The following SLC35A1 variants were observed in gnomAD, a reference collection of about 807,000 sequenced individuals.
The protein encoded by SLC35A1 is solute carrier family 35 member A1.
A neutral mutation model predicts 40.3 loss-of-function variants in SLC35A1; 21 were observed. The ratio of observed to expected loss-of-function variants is 0.52; its 90% CI spans 0.37 to 0.75. The LOEUF (loss-of-function observed/expected upper bound fraction) is 0.75, where lower values mean the gene tolerates loss of function less well. SLC35A1 is among the 30% of genes least tolerant of loss of function. The pLI is 0.00. For missense variants in SLC35A1, 297 were observed against 382.1 expected (o/e 0.78, Z 1.86); for synonymous variants, 146 against 147.3 (o/e 0.99, Z 0.06).
At chr6:87,480,998 G>A (rs1454117387) in intron 2 of SLC35A1, among the ~76,000 whole-genome samples, 4 of 152,162 alleles carry the variant, frequency 2.6e-5, no homozygotes, top group Non-Finnish European at 5.9e-5. Flanking sequence ...CCCCAGGCTA[G>A]TGCCCGTTTA....
intron 2 of SLC35A1, chr6:87,499,122 A>T: frequency 1.0e-6 from 1 of 983,926 alleles, no homozygotes. Context: ...TTAATTAAGC[A>T]TTTTCTTGGA....
chr6:87,480,757 G>GA (rs71018021), intron 2 of SLC35A1, among the ~76,000 whole-genome samples: 57,575 of 152,030 alleles, frequency 0.38, 10,975 homozygotes, highest in Admixed American at 0.46. Flanking sequence ...GTTAGGAAAG[G>GA]AAGGAAAAGA....
chr6:87,490,276 ACTT>A (rs923593125), intron 2 of SLC35A1, among the ~76,000 whole-genome samples: 1 of 152,080 alleles, frequency 6.6e-6, no homozygotes, highest in Admixed American at 6.6e-5. Flanking sequence ...AGGATATTTA[ACTT>A]CTTAGAAGAA....
chr6:87,498,122 A>C (rs900373723), intron 2 of SLC35A1, among the ~76,000 whole-genome samples: 2 of 152,126 alleles, frequency 1.3e-5, no homozygotes, highest in Non-Finnish European at 2.9e-5. Context: ...GTAGCTTTTG[A>C]GGGTTTAGCA....
intron 7 of SLC35A1, 35 bp from the exon 8 acceptor site, chr6:87,511,364 C>T (rs1770264842): frequency 2.5e-6 from 4 of 1,610,472 alleles, no homozygotes; most frequent in Non-Finnish European, 3.4e-6. Flanking sequence ...TAAAGACACA[C>T]ATACAGATAA....
chr6:87,502,907 T>C (rs1190622566), intron 4 of SLC35A1, among the ~76,000 whole-genome samples: 1 of 152,238 alleles, frequency 6.6e-6, no homozygotes, highest in East Asian at 1.9e-4. Context: ...TCATTGACAC[T>C]AGAACTCAAA....
chr6:87,509,936 A>G lies in SLC35A1; in HGVS notation c.886+761A>G, dbSNP rs1770210584. Among the ~76,000 whole-genome samples the G allele has an allele frequency of 1.3e-5, 2 of 152,228 alleles. 1 individual carries two copies. Among genetic ancestry groups the G allele is most frequent in the South Asian group, 4.1e-4 (2 of 4,830 alleles). On this transcript the variant is annotated intron_variant, in intron 7 of 7. Transcript: ENST00000369552. ...TGTATGAAGAATATCTGTTAAATATATTAAGTAAAAGAGACCTGGCTTATA... is the reference window on the plus strand; with the variant it reads ...TGTATGAAGAATATCTGTTAAATATGTTAAGTAAAAGAGACCTGGCTTATA...
At chr6:87,496,920 CGAT>C (rs1769749853) in intron 2 of SLC35A1, among the ~76,000 whole-genome samples, 2 of 151,644 alleles carry the variant, frequency 1.3e-5, no homozygotes, top group African/African-American at 4.8e-5. Flanking sequence ...TAAAACAAAA[CGAT>C]GATTACTAGT....
chr6:87,474,846 C>G (rs1769022222), intron 1 of SLC35A1, among the ~76,000 whole-genome samples: 1 of 152,080 alleles, frequency 6.6e-6, no homozygotes, highest in Admixed American at 6.6e-5. Context: ...AATATATATT[C>G]CCATATACTC....
At chr6:87,494,587 T>TA (rs921984941) in intron 2 of SLC35A1, among the ~76,000 whole-genome samples, 4 of 151,860 alleles carry the variant, frequency 2.6e-5, no homozygotes, top group African/African-American at 7.3e-5. Flanking sequence ...CACGCCTGGC[T>TA]ATTTTTTTTT....
chr6:87,504,028 CTT>C (rs1299456023), intron 4 of SLC35A1, among the ~76,000 whole-genome samples: 3 of 152,194 alleles, frequency 2.0e-5, no homozygotes, highest in Admixed American at 2.0e-4. Flanking sequence ...TCTTGATAGT[CTT>C]TTAAATTTAT....
At chr6:87,506,963 G>A (rs566720472) in intron 5 of SLC35A1, 63 of 157,094 alleles carry the variant, frequency 4.0e-4, no homozygotes, top group Admixed American at 2.4e-3. Flanking sequence ...ACCAAACAGG[G>A]AGGAAAGACA....
At chr6:87,496,281 G>T (rs1769722305) in intron 2 of SLC35A1, 1 of 152,158 alleles carries the variant, frequency 6.6e-6, no homozygotes, top group Admixed American at 6.5e-5. Flanking sequence ...ACCAAAGGTT[G>T]CACAGGGTCT....
intron 2 of SLC35A1, among the ~76,000 whole-genome samples, chr6:87,494,596 T>G (rs186867407): frequency 6.6e-6 from 1 of 151,926 alleles, no homozygotes; most frequent in African/African-American, 2.4e-5. Context: ...CTATTTTTTT[T>G]TGTATTTTTT....
chr6:87,490,383 G>A (rs1480918471), intron 2 of SLC35A1, among the ~76,000 whole-genome samples: 2 of 149,342 alleles, frequency 1.3e-5, no homozygotes, highest in Non-Finnish European at 3.0e-5. Context: ...ACCCAGGCTG[G>A]TGTACAGTGG....
rs1053250397 is a variant in SLC35A1 at position 87,487,453 on chromosome 6, C to T, written c.194+9914C>T. 4.6e-5 allele frequency among the ~76,000 whole-genome samples: 7 copies of T among 152,186 alleles called. 1 individual carries two copies. In the South Asian group the frequency reaches 1.0e-3, roughly 23 times the overall value. Reference sequence around the variant, plus strand: ...GTAGTTTCCTGTGAGCAACTGATCACATTTTTGTCAATTAATCAATACAAT... The same window carrying T: ...GTAGTTTCCTGTGAGCAACTGATCATATTTTTGTCAATTAATCAATACAAT... On this transcript the variant is annotated intron_variant, in intron 2 of 7. Transcript: ENST00000369552.
rs79181512 is a variant in SLC35A1, at chr6:87,498,497, G to A, written c.195-2011G>A. On this transcript the variant is annotated intron_variant, in intron 2 of 7. Transcript: ENST00000369552. ...TATACTCTATTTAAGATGTTGGCCA[G>A]GTGCAGTGGCTCATGCCTGTAATTC... Among the ~76,000 whole-genome samples the A allele has an allele frequency of 8.7e-3, 1,326 of 152,238 alleles. 14 individuals are homozygous for A. The highest frequency in any genetic ancestry group is 0.034 in the Middle Eastern group (10 of 294).
At position 87,506,421 on chromosome 6, in the gene SLC35A1, A is replaced by G. The variant is rs778813824; in HGVS notation, c.547A>G (p.Ile183Val). The change falls in exon 5 of 8, where the codon ATT becomes GTT. Residue 183 changes from isoleucine to valine, a missense_variant. By Grantham distance (29) the Ile-to-Val change is conservative. Coordinates refer to ENST00000369552, the MANE Select transcript of SLC35A1 (RefSeq NM_006416.5). ...ATTATTAGGGTTTGGCGCTATAGCT[A>G]TTGCTGTATTGTGCTCAGGATTTGC... ...NPLLGFGAIA[I>V]AVLCSGFAGV... 1.9e-6 allele frequency: 3 copies of G among 1,613,562 alleles called. No individual in the cohort carries two copies. The highest frequency in any genetic ancestry group is 1.6e-4 in the Middle Eastern group (1 of 6,078).
chr6:87,508,007 T>G (rs1042892403), intron 5 of SLC35A1, among the ~76,000 whole-genome samples: 16 of 152,102 alleles, frequency 1.1e-4, no homozygotes, highest in African/African-American at 3.6e-4. Flanking sequence ...GAATTAGGAG[T>G]ATTCATTAGT....
Sources: gnomAD v4.1 joint callset for allele counts (sites outside exome capture counted in the v4.1 genomes callset) on GRCh38, gnomAD v4.1.1 for gene constraint, MANE v1.5 for transcripts, NCBI Gene and HGNC (gene_info 2026-07-23, HGNC 2026-07-21) for gene names.